PGGT1B: variants seen among roughly 807,000 people sequenced by gnomAD.
PGGT1B encodes geranylgeranyl transferase type-1 subunit beta.
Under a neutral mutation model 46.1 loss-of-function variants are expected in PGGT1B, and 30 were observed. The observed-to-expected ratio is 0.65, with a 90% confidence interval of 0.49 to 0.88. The LOEUF is 0.88. Ranked by LOEUF, PGGT1B falls within the 40% of genes least tolerant of loss-of-function variation. The pLI, the probability that PGGT1B is intolerant of heterozygous loss-of-function variation, is 0.00. For missense variants in PGGT1B, 376 were observed against 455.9 expected (o/e 0.82, Z 1.60); for synonymous variants, 170 against 160.0 (o/e 1.06, Z -0.47).
intron 3 of PGGT1B, among the ~76,000 whole-genome samples, chr5:115,240,568 C>A (rs190373176): frequency 6.6e-6 from 1 of 152,304 alleles, no homozygotes; most frequent in East Asian, 1.9e-4. Flanking sequence ...TGGAGTCCTG[C>A]TGGTAAATTC....
chr5:115,240,453 T>C (rs1422210054), intron 3 of PGGT1B, among the ~76,000 whole-genome samples: 7 of 152,178 alleles, frequency 4.6e-5, no homozygotes, highest in Admixed American at 6.5e-5. Flanking sequence ...ATTACCTGTA[T>C]TCTGGATTAG....
chr5:115,235,102 G>T (rs1331656503), intron 5 of PGGT1B, among the ~76,000 whole-genome samples: 1 of 151,980 alleles, frequency 6.6e-6, no homozygotes, highest in Admixed American at 6.6e-5. Context: ...GTGCCAGAAA[G>T]CAAGGAGGTC....
At chr5:115,244,549 AAAAAAT>A (rs1031040223) in intron 2 of PGGT1B, among the ~76,000 whole-genome samples, 1 of 151,832 alleles carries the variant, frequency 6.6e-6, no homozygotes, top group Admixed American at 6.6e-5. Context: ...ATACTTAAAA[AAAAAAT>A]AAAAAGTTAT....
intron 5 of PGGT1B, among the ~76,000 whole-genome samples, chr5:115,233,540 AG>A (rs1757063803): frequency 7.4e-6 from 1 of 135,812 alleles, no homozygotes; most frequent in Non-Finnish European, 1.7e-5. Context: ...AAGAAAAAAA[AG>A]AAGGAAAAAA....
intron 2 of PGGT1B, among the ~76,000 whole-genome samples, chr5:115,252,386 A>G (rs1580778629): frequency 6.6e-6 from 1 of 152,072 alleles, no homozygotes; most frequent in East Asian, 1.9e-4. Context: ...TTAGCTTATT[A>G]TTTCTCCAAA....
chr5:115,246,962 A>G (rs1747877978), intron 2 of PGGT1B, among the ~76,000 whole-genome samples: 1 of 152,140 alleles, frequency 6.6e-6, no homozygotes, highest in East Asian at 1.9e-4. Context: ...TGGATGTAAT[A>G]TGTGTGTGTG....
Position 115,207,188 on chromosome 5 carries a change from T to TATATATATATATATATAC in PGGT1B, c.*5213_*5214insGTATATATATATATATAT, listed in dbSNP as rs1756091650. ...AGGTTTGCATATACATACATATATA[T>TATATATATATATATATAC]ATATATATATATATATATAGTCTTG... On this transcript the variant is annotated 3_prime_UTR_variant, in exon 9 of 9. Coordinates refer to ENST00000419445, the MANE Select transcript of PGGT1B (RefSeq NM_005023.4). 9.2e-6 allele frequency: 1 copy of TATATATATATATATATAC among 108,602 alleles called. No homozygotes were observed. Among genetic ancestry groups the TATATATATATATATATAC allele is most frequent in the Non-Finnish European group, 1.8e-5 (1 of 54,838 alleles). The allele number at this position is 108,602 out of a possible 1,614,324, so 6.7% of individuals were successfully genotyped here. A position where few individuals can be genotyped will look rare whatever the true frequency, so the allele number is the denominator to read the frequency against.
chr5:115,247,402 T>A (rs1747896707), intron 2 of PGGT1B, among the ~76,000 whole-genome samples: 1 of 152,178 alleles, frequency 6.6e-6, no homozygotes, highest in Non-Finnish European at 1.5e-5. Context: ...TGATTATGCT[T>A]CTTAAATATA....
At chr5:115,254,772 G>A (rs1262163081) in intron 1 of PGGT1B, among the ~76,000 whole-genome samples, 1 of 151,978 alleles carries the variant, frequency 6.6e-6, no homozygotes, top group Non-Finnish European at 1.5e-5. Context: ...ATAAATATTT[G>A]GGAAACATCC....
intron 2 of PGGT1B, among the ~76,000 whole-genome samples, chr5:115,244,022 A>G (rs1352625986): frequency 2.0e-5 from 3 of 152,096 alleles, no homozygotes; most frequent in Non-Finnish European, 2.9e-5. Flanking sequence ...ACCTGTACAC[A>G]TGTCACCTAT....
intron 1 of PGGT1B, among the ~76,000 whole-genome samples, chr5:115,258,411 G>GATATATTACTATAT (rs1354411378): frequency 1.3e-5 from 2 of 152,132 alleles, no homozygotes; most frequent in African/African-American, 4.8e-5. Context: ...TGTACCATGT[G>GATATATTACTATAT]ATATATGACT....
Position 115,210,819 on chromosome 5 carries a change from G to A in PGGT1B, c.*1583C>T, listed in dbSNP as rs2126983108. 1 of 152,082 alleles carries A rather than the reference G, an allele frequency of 6.6e-6. No homozygotes were observed. Among genetic ancestry groups the A allele is most frequent in the East Asian group, 1.9e-4 (1 of 5,176 alleles). 9.4% of individuals were successfully genotyped at this position (152,082 alleles called of 1,614,324 possible). A position where few individuals can be genotyped will look rare whatever the true frequency, so the allele number is the denominator to read the frequency against. Reference sequence around the variant, plus strand: ...ATAGTAGCAACTGGAATAACCCATAGACGGATAACATCTGTTATTAAGCTT... The same window carrying A: ...ATAGTAGCAACTGGAATAACCCATAAACGGATAACATCTGTTATTAAGCTT... On this transcript the variant is annotated 3_prime_UTR_variant, in exon 9 of 9. Transcript: ENST00000419445.
At chr5:115,252,228 A>C (rs1748132441) in intron 2 of PGGT1B, among the ~76,000 whole-genome samples, 1 of 152,084 alleles carries the variant, frequency 6.6e-6, no homozygotes, top group Non-Finnish European at 1.5e-5. Flanking sequence ...AAAATACTTA[A>C]ATCATTTTTT....
Position 115,209,179 on chromosome 5 carries a change from T to C in PGGT1B, c.*3223A>G, listed in dbSNP as rs1580736747. On this transcript the variant is annotated 3_prime_UTR_variant, in exon 9 of 9. Transcript: ENST00000419445. Reference sequence around the variant, plus strand: ...TCTGTGTCTTGGCCTTTCTTCCCAATACTTATCTAGATCTTCTTTCCTTTG... The same window carrying C: ...TCTGTGTCTTGGCCTTTCTTCCCAACACTTATCTAGATCTTCTTTCCTTTG... The C allele has an allele frequency of 6.6e-6, 1 of 152,230 alleles. No individual in the cohort carries two copies. Among genetic ancestry groups the C allele is most frequent in the South Asian group, 2.1e-4 (1 of 4,828 alleles). 9.4% of individuals were successfully genotyped at this position (152,230 alleles called of 1,614,324 possible). A position where few individuals can be genotyped will look rare whatever the true frequency, so the allele number is the denominator to read the frequency against.
At chr5:115,238,458 C>T (rs996351847) in intron 3 of PGGT1B, among the ~76,000 whole-genome samples, 2 of 151,750 alleles carry the variant, frequency 1.3e-5, no homozygotes, top group Non-Finnish European at 2.9e-5. Flanking sequence ...AGGCACAAAC[C>T]ACCATGCCTG....
intron 5 of PGGT1B, among the ~76,000 whole-genome samples, chr5:115,233,208 A>G (rs1757052034): frequency 6.6e-6 from 1 of 151,980 alleles, no homozygotes; most frequent in Non-Finnish European, 1.5e-5. Context: ...GTAGCACTCC[A>G]CACTCAAATA....
At chr5:115,220,471 T>G (rs902079403) in intron 7 of PGGT1B, among the ~76,000 whole-genome samples, 26 of 151,838 alleles carry the variant, frequency 1.7e-4, no homozygotes, top group African/African-American at 6.3e-4. Flanking sequence ...GAATTACTGT[T>G]TAATGTATAC....
chr5:115,260,733 AT>A (rs1386018411), intron 1 of PGGT1B, among the ~76,000 whole-genome samples: 3 of 152,110 alleles, frequency 2.0e-5, no homozygotes, highest in Non-Finnish European at 4.4e-5. Context: ...ACAAAAAAGG[AT>A]ACAATATTGC....
chr5:115,223,450 C>T (rs918237595), intron 6 of PGGT1B, among the ~76,000 whole-genome samples: 3 of 151,984 alleles, frequency 2.0e-5, no homozygotes, highest in Non-Finnish European at 4.4e-5. Context: ...GAGGGGGTGG[C>T]AATGCAACTA....
Sources: gnomAD v4.1 joint callset for allele counts (sites outside exome capture counted in the v4.1 genomes callset) on GRCh38, gnomAD v4.1.1 for gene constraint, MANE v1.5 for transcripts, NCBI Gene and HGNC (gene_info 2026-07-23, HGNC 2026-07-21) for gene names.